The following BTBD9 variants were observed in gnomAD, a reference collection of about 807,000 sequenced individuals.
BTBD9 encodes the protein BTB/POZ domain-containing protein 9.
In BTBD9, 49 loss-of-function variants were observed where a neutral mutation model predicts 64.3. The ratio of observed to expected loss-of-function variants is 0.76; its 90% CI spans 0.61 to 0.97. BTBD9 has a LOEUF of 0.97. Among genes scored for constraint, BTBD9 ranks in the 50% least tolerant of loss-of-function variants. The pLI is 0.00. For synonymous variants in BTBD9, 260 were observed against 274.7 expected, an observed-to-expected ratio of 0.95 and a Z score of 0.53; for missense variants, 598 against 762.1, an observed-to-expected ratio of 0.78 and a Z score of 2.53.
chr6:38,292,427 C>T (rs1458069267), intron 7 of BTBD9, among the ~76,000 whole-genome samples: 5 of 152,172 alleles, frequency 3.3e-5, no homozygotes, highest in African/African-American at 1.2e-4. Flanking sequence ...TAGAATTCGG[C>T]TGTGAATCCT....
In BTBD9 at chr6:38,184,743, C is replaced by T. The variant is rs966284676; in HGVS notation, c.1641+7776G>A. Among the ~76,000 whole-genome samples the T allele has an allele frequency of 1.2e-4, 18 of 152,180 alleles. No homozygotes were observed. The highest frequency in any genetic ancestry group is 4.3e-4 in the African/African-American group (18 of 41,444). On this transcript the variant is annotated intron_variant, in intron 10 of 10. Transcript: ENST00000481247. This position sits in a 1 kb window ranked among gnomAD's most constrained non-coding sequence, Gnocchi z 4.4. ...AGGGGGACCTCGGAAATAATTATCA[C>T]CATGCCAGGAAGGAGCACTTGTTTC... is the stretch of plus-strand genomic sequence containing the variant.
chr6:38,208,440 A>G (rs539562429), intron 9 of BTBD9, among the ~76,000 whole-genome samples: 1 of 151,450 alleles, frequency 6.6e-6, no homozygotes, highest in East Asian at 2.0e-4. Flanking sequence ...TGGGGATATG[A>G]GAGAGAGAGC....
chr6:38,564,544 AT>A (rs956665308), intron 6 of BTBD9, among the ~76,000 whole-genome samples: 18 of 152,254 alleles, frequency 1.2e-4, no homozygotes, highest in Middle Eastern at 3.4e-3. Context: ...CTAGTTAGAG[AT>A]TTTTTAATCT....
At chr6:38,602,241 A>C (rs370077913) in intron 1 of BTBD9, among the ~76,000 whole-genome samples, 1 of 152,178 alleles carries the variant, frequency 6.6e-6, no homozygotes, top group Non-Finnish European at 1.5e-5. Flanking sequence ...GAACAGTCAC[A>C]TAAGAGTACA....
chr6:38,429,279 A>C (rs1156769446), intron 6 of BTBD9, among the ~76,000 whole-genome samples: 2 of 150,962 alleles, frequency 1.3e-5, no homozygotes. Flanking sequence ...ACATAGTGAG[A>C]CCCTGTCTCT....
intron 6 of BTBD9, among the ~76,000 whole-genome samples, chr6:38,459,764 C>CA (rs541462568): frequency 1.6e-3 from 247 of 152,252 alleles, no homozygotes; most frequent in Middle Eastern, 3.4e-3. Flanking sequence ...ATAATTTGCT[C>CA]AAAAAACCCA....
intron 6 of BTBD9, among the ~76,000 whole-genome samples, chr6:38,558,670 C>G (rs1775137636): frequency 6.6e-6 from 1 of 152,116 alleles, no homozygotes; most frequent in Admixed American, 6.5e-5. Flanking sequence ...AAATTCTGTT[C>G]ACGTGGTAAA....
rs369510703 is a variant in BTBD9, at chr6:38,240,671, A to C, written c.1562+15738T>G. 2.0e-5 allele frequency among the ~76,000 whole-genome samples: 3 copies of C among 152,236 alleles called. No homozygotes were observed. In the South Asian group the frequency reaches 6.2e-4, roughly 32 times the overall value. On this transcript the variant is annotated intron_variant, in intron 9 of 10. Transcript: ENST00000481247. Reference sequence around the variant, plus strand: ...GAAATTCATAAAGTTAATTAATATTAATGTAAGAACACCATATTAAAGCAA... The same window carrying C: ...GAAATTCATAAAGTTAATTAATATTCATGTAAGAACACCATATTAAAGCAA...
chr6:38,465,721 A>T (rs1444799988), intron 6 of BTBD9, among the ~76,000 whole-genome samples: 1 of 51,960 alleles, frequency 1.9e-5, no homozygotes, highest in Non-Finnish European at 4.4e-5. Flanking sequence ...ATATATATAT[A>T]TATATATATA....
intron 9 of BTBD9, among the ~76,000 whole-genome samples, chr6:38,216,595 C>T (rs1243485775): frequency 6.6e-6 from 1 of 152,188 alleles, no homozygotes; most frequent in Non-Finnish European, 1.5e-5. Context: ...TCCCTGTGGA[C>T]CACAGTGGTT....
intron 3 of BTBD9, among the ~76,000 whole-genome samples, chr6:38,593,288 A>ATG (rs1372437956): frequency 1.3e-5 from 2 of 152,236 alleles, no homozygotes; most frequent in African/African-American, 4.8e-5. Context: ...TCCAGGAACA[A>ATG]TGTTGCAACC....
intron 6 of BTBD9, among the ~76,000 whole-genome samples, chr6:38,425,927 TACACACACACACAC>T (rs61016424): frequency 7.3e-6 from 1 of 136,988 alleles, no homozygotes; most frequent in South Asian, 2.3e-4. Flanking sequence ...AAGAAACACA[TACACACACACACAC>T]ACACACACAC....
chr6:38,227,504 T>C (rs1763438811), intron 9 of BTBD9, among the ~76,000 whole-genome samples: 1 of 152,098 alleles, frequency 6.6e-6, no homozygotes, highest in African/African-American at 2.4e-5. Flanking sequence ...ACTGTCCCTA[T>C]CCCTTCCGCC....
intron 6 of BTBD9, among the ~76,000 whole-genome samples, chr6:38,379,241 T>C (rs189816137): frequency 3.9e-5 from 6 of 152,250 alleles, no homozygotes; most frequent in African/African-American, 9.6e-5. Context: ...ACATTTTTAG[T>C]GGCTGACTTT....
intron 6 of BTBD9, among the ~76,000 whole-genome samples, chr6:38,483,174 T>A (rs775267083): frequency 1.3e-5 from 2 of 152,004 alleles, no homozygotes; most frequent in Admixed American, 1.3e-4. Flanking sequence ...TGATACTTTA[T>A]CTTCTACATG....
chr6:38,592,902 A>G, intron 3 of BTBD9, 62 bp from the exon 4 acceptor site: 1 of 1,540,182 alleles, frequency 6.5e-7, no homozygotes. Flanking sequence ...ATGACCAATC[A>G]GTAAAAGCTT....
intron 6 of BTBD9, among the ~76,000 whole-genome samples, chr6:38,345,649 T>C (rs1239343656): frequency 6.6e-6 from 1 of 152,228 alleles, no homozygotes; most frequent in Non-Finnish European, 1.5e-5. Flanking sequence ...GAAGTTAACC[T>C]TATATACTTA....
At position 38,399,919 on chromosome 6, in the gene BTBD9, T is replaced by A. The variant is rs528570513; in HGVS notation, c.1155-54826A>T. Among the ~76,000 whole-genome samples, 24 of 119,988 alleles carry A rather than the reference T, an allele frequency of 2.0e-4. No homozygotes were observed. The East Asian group carries it at 6.0e-3, about 30-fold the overall frequency. 78.7% of individuals were successfully genotyped at this position (119,988 alleles called of 152,430 possible). A position where few individuals can be genotyped will look rare whatever the true frequency, so the allele number is the denominator to read the frequency against. On this transcript the variant is annotated intron_variant, in intron 6 of 10. Coordinates refer to ENST00000481247, the MANE Select transcript of BTBD9 (RefSeq NM_001099272.2). ...GGCATGTGCCACCATGCCCAGCTAA[T>A]TTTTTTTTTTTTTTGTATTTTTAGT...
chr6:38,279,646 T>C (rs1490601321), intron 8 of BTBD9, among the ~76,000 whole-genome samples: 3 of 152,194 alleles, frequency 2.0e-5, no homozygotes, highest in East Asian at 1.9e-4. Context: ...CAGCAGCATA[T>C]AAAACATCTG....
Sources: gnomAD v4.1 joint callset for allele counts (sites outside exome capture counted in the v4.1 genomes callset) on GRCh38, gnomAD v4.1.1 for gene constraint, Gnocchi (gnomAD v3.1) non-coding constraint, MANE v1.5 for transcripts, NCBI Gene and HGNC (gene_info 2026-07-23, HGNC 2026-07-21) for gene names.